The following ERCC8 variants were observed in gnomAD, a reference collection of about 807,000 sequenced individuals.
ERCC8 encodes the protein DNA excision repair protein ERCC-8.
ERCC8 carries 52 observed loss-of-function variants against 54.9 expected under a neutral mutation model. The ratio of observed to expected loss-of-function variants is 0.95; its 90% CI spans 0.76 to 1.19. The LOEUF is 1.19. Ranked by LOEUF, ERCC8 falls within the 50% of genes most tolerant of loss-of-function variation. The pLI is 0.00. For missense variants in ERCC8, 514 were observed against 466.1 expected, an observed-to-expected ratio of 1.10 and a Z score of -0.95; for synonymous variants, 146 against 157.2, an observed-to-expected ratio of 0.93 and a Z score of 0.53.
At chr5:60,921,006 T>C (rs1749584603) in intron 3 of ERCC8, among the ~76,000 whole-genome samples, 1 of 151,864 alleles carries the variant, frequency 6.6e-6, no homozygotes, top group African/African-American at 2.4e-5. Context: ...TGAGGCGATA[T>C]CTTGTTTTGT....
At chr5:60,919,950 C>T (rs1363313638) in intron 3 of ERCC8, among the ~76,000 whole-genome samples, 2 of 151,846 alleles carry the variant, frequency 1.3e-5, no homozygotes, top group Non-Finnish European at 2.9e-5. Flanking sequence ...TTTTTCTTGG[C>T]TGATGAGCAT....
At chr5:60,891,216 G>A (rs1013657632) in intron 9 of ERCC8, 130 bp from the exon 10 acceptor site, 15 of 659,194 alleles carry the variant, frequency 2.3e-5, no homozygotes, top group African/African-American at 7.3e-5. Flanking sequence ...AATATTCAAC[G>A]TTGACAGAAC....
At position 60,874,109 on chromosome 5, in the gene ERCC8, A is replaced by C. The variant is rs1347443883; in HGVS notation, c.*506T>G. On this transcript the variant is annotated 3_prime_UTR_variant, in exon 12 of 12. Coordinates refer to ENST00000676185, the MANE Select transcript of ERCC8 (RefSeq NM_000082.4). ...GTTTAACATAAAGCATGGTTAATTA[A>C]ATGAAACCACTGAAAAATGTGAATA... 1 of 152,776 alleles carries C rather than the reference A, an allele frequency of 6.5e-6. No homozygotes were observed. The highest frequency in any genetic ancestry group is 2.4e-5 in the African/African-American group (1 of 41,466). 9.5% of individuals were successfully genotyped at this position (152,776 alleles called of 1,614,324 possible). A position where few individuals can be genotyped will look rare whatever the true frequency, so the allele number is the denominator to read the frequency against.
At chr5:60,894,070 C>T (rs187228731) in intron 9 of ERCC8, among the ~76,000 whole-genome samples, 12,087 of 151,094 alleles carry the variant, frequency 0.08, 504 homozygotes, top group Middle Eastern at 0.095. Context: ...CTGCAAGCTC[C>T]GCCTCCCGGG....
In ERCC8 at chr5:60,879,991, C is replaced by T. The variant is rs570719151; in HGVS notation, c.1123-5308G>A. ...GTCTTTACAATTTGGCATGTTTTTG[C>T]AGTGGCTGGTACCGGTTGTTCCTTT... On this transcript the variant is annotated intron_variant, in intron 11 of 11. Coordinates refer to ENST00000676185, the MANE Select transcript of ERCC8 (RefSeq NM_000082.4). Among the ~76,000 whole-genome samples the T allele has an allele frequency of 5.5e-3, 831 of 152,308 alleles. 6 individuals carry two copies. Among genetic ancestry groups the T allele is most frequent in the Non-Finnish European group, 8.9e-3 (606 of 68,022 alleles).
chr5:60,889,381 C>T (rs1379490626), intron 10 of ERCC8, among the ~76,000 whole-genome samples: 2 of 152,148 alleles, frequency 1.3e-5, no homozygotes, highest in Non-Finnish European at 2.9e-5. Flanking sequence ...GGTGTGAACA[C>T]GGCTCACTCA....
chr5:60,874,327 G>A lies in ERCC8; in HGVS notation c.*288C>T. On this transcript the variant is annotated 3_prime_UTR_variant, in exon 12 of 12. Transcript: ENST00000676185. ...CTGCATCTTATAGTTCATAAAATCTGCTGAAGGTCACAACTGAGGTACAAC... is the reference window on the plus strand; with the variant it reads ...CTGCATCTTATAGTTCATAAAATCTACTGAAGGTCACAACTGAGGTACAAC... 1 of 325,216 alleles carries A rather than the reference G, an allele frequency of 3.1e-6. No homozygotes were observed. The highest frequency in any genetic ancestry group is 5.6e-6 in the Non-Finnish European group (1 of 178,262). The allele number at this position is 325,216 out of a possible 1,614,324, so 20.1% of individuals were successfully genotyped here.
chr5:60,902,488 C>G lies in ERCC8; in HGVS notation c.571G>C (p.Ala191Pro). 6.2e-7 allele frequency: 1 copy of G among 1,612,228 alleles called. No individual in the cohort carries two copies. Among genetic ancestry groups the G allele is most frequent in the African/African-American group, 1.3e-5 (1 of 74,982 alleles). ...ILQGHRQEIL[A>P]VSWSPRYDYI... is the part of the protein sequence containing the mutation. ...TCATAACGTGGAGACCAGGAAACTG[C>G]TAATATTTCTTGTCTGTGACCTGCA... Residue 191 changes from alanine to proline, a missense_variant, in exon 7 of 12, where the codon GCA becomes CCA. Coordinates refer to ENST00000676185, the MANE Select transcript of ERCC8 (RefSeq NM_000082.4).
rs886564207 is a variant in ERCC8 at position 60,866,648 on chromosome 5, A to G, written c.*7967T>C. The stretch of plus-strand genomic sequence containing the variant: ...TCATTCCATTAGAATTTGAGTGTTC[A>G]CTCAGTATTAAGACAATTCATAAAA... On this transcript the variant is annotated 3_prime_UTR_variant, in exon 12 of 12. Transcript: ENST00000676185. 1.3e-5 allele frequency: 2 copies of G among 152,188 alleles called. No individual in the cohort carries two copies. Among genetic ancestry groups the G allele is most frequent in the Non-Finnish European group, 2.9e-5 (2 of 68,020 alleles). The allele number at this position is 152,188 out of a possible 1,614,324, so 9.4% of individuals were successfully genotyped here.
chr5:60,911,780 G>C lies in ERCC8; in HGVS notation c.399+6485C>G, dbSNP rs1580014026. ...ATTAATTTTTGTATAAGGTGTTAAG[G>C]AAGGGATCCAGTTTCAGCTTTCTAC... On this transcript the variant is annotated intron_variant, in intron 4 of 11. Transcript: ENST00000676185. 2.0e-5 allele frequency among the ~76,000 whole-genome samples: 3 copies of C among 151,714 alleles called. No individual in the cohort carries two copies. The South Asian group carries it at 6.3e-4, about 32-fold the overall frequency.
At chr5:60,884,213 C>T (rs1401928463) in intron 11 of ERCC8, among the ~76,000 whole-genome samples, 2 of 152,122 alleles carry the variant, frequency 1.3e-5, no homozygotes, top group Non-Finnish European at 2.9e-5. Context: ...AGGGTGGTGG[C>T]TCAAGCCTGT....
chr5:60,924,406 AC>A (rs1749690444), intron 2 of ERCC8: 1 of 154,530 alleles, frequency 6.5e-6, no homozygotes, highest in African/African-American at 2.4e-5. Context: ...TGTGTTGTTG[AC>A]AATTTATCCG....
chr5:60,885,237 C>T (rs1163517393), intron 11 of ERCC8, among the ~76,000 whole-genome samples: 1 of 152,016 alleles, frequency 6.6e-6, no homozygotes, highest in Non-Finnish European at 1.5e-5. Context: ...TGGTCTTGAA[C>T]TCCTGGACTC....
intron 3 of ERCC8, 79 bp downstream of exon 3, chr5:60,921,975 A>G (rs1561511904): frequency 2.1e-6 from 2 of 966,484 alleles, no homozygotes; most frequent in East Asian, 2.5e-5. Context: ...ACTTGACTGC[A>G]ATTTTCATGT....
At chr5:60,924,682 G>A (rs1304779678) in intron 2 of ERCC8, among the ~76,000 whole-genome samples, 6 of 151,910 alleles carry the variant, frequency 3.9e-5, no homozygotes, top group African/African-American at 1.5e-4. Context: ...ATGTTATGCT[G>A]GATCTTCTTT....
chr5:60,869,175 T>C lies in ERCC8; in HGVS notation c.*5440A>G, dbSNP rs1561489875. On this transcript the variant is annotated 3_prime_UTR_variant, in exon 12 of 12. Transcript: ENST00000676185. ...TTTAGCTTCTCTAGTCTTCAGTAGT[T>C]ATATCATTTTTATAGAAATAACAAA... Among the ~76,000 whole-genome samples the C allele has an allele frequency of 6.6e-6, 1 of 152,228 alleles. No homozygotes were observed. Among genetic ancestry groups the C allele is most frequent in the Non-Finnish European group, 1.5e-5 (1 of 68,034 alleles).
intron 4 of ERCC8, among the ~76,000 whole-genome samples, chr5:60,917,749 A>G (rs1358617989): frequency 2.6e-5 from 4 of 152,058 alleles, no homozygotes; most frequent in Admixed American, 2.6e-4. Flanking sequence ...GCTCAGAGAA[A>G]AGATTAGCAC....
chr5:60,869,661 AAG>A lies in ERCC8; in HGVS notation c.*4952_*4953del, dbSNP rs1747822604. Reference sequence around the variant, plus strand: ...AGTAAAGGCATGGTAGCAAGTTTAAAAGAGAGGTCAAGCTGATCTACGATGTG... The same window carrying A: ...AGTAAAGGCATGGTAGCAAGTTTAAAAGAGGTCAAGCTGATCTACGATGTG... On this transcript the variant is annotated 3_prime_UTR_variant, in exon 12 of 12. Transcript: ENST00000676185. Among the ~76,000 whole-genome samples the A allele has an allele frequency of 6.6e-6, 1 of 152,198 alleles. No individual in the cohort carries two copies. Among genetic ancestry groups the A allele is most frequent in the African/African-American group, 2.4e-5 (1 of 41,452 alleles).
intron 9 of ERCC8, chr5:60,892,357 G>A (rs2112478364): frequency 1.8e-6 from 1 of 549,064 alleles, no homozygotes; most frequent in South Asian, 1.4e-5. Context: ...CAGTGGCCAA[G>A]CATTCCATGG....
Sources: gnomAD v4.1 joint callset for allele counts (sites outside exome capture counted in the v4.1 genomes callset) on GRCh38, gnomAD v4.1.1 for gene constraint, MANE v1.5 for transcripts, NCBI Gene and HGNC (gene_info 2026-07-23, HGNC 2026-07-21) for gene names.